Variants in CASK observed in about 807,000 individuals in gnomAD.
The protein encoded by CASK is calcium/calmodulin dependent serine protein kinase.
CASK carries 4 observed loss-of-function variants against 82.9 expected under a neutral mutation model. The observed-to-expected ratio is 0.05, with a 90% CI of 0.02 to 0.11. The LOEUF is 0.11. Among genes scored for constraint, CASK ranks in the 10% least tolerant of loss-of-function variants. The pLI, the probability that CASK is intolerant of heterozygous loss-of-function variation, is 1.00. For missense variants in CASK, 358 were observed against 720.9 expected, an observed-to-expected ratio of 0.50 and a Z score of 5.76; for synonymous variants, 259 against 253.5, an observed-to-expected ratio of 1.02 and a Z score of -0.20.
At chrX:41,593,753 T>C (rs1287030516) in intron 12 of CASK, among the ~76,000 whole-genome samples, 1 of 112,668 alleles carries the variant, frequency 8.9e-6, no homozygotes, top group African/African-American at 3.2e-5. Flanking sequence ...ACAAAGCATT[T>C]GAGAAATATG....
chrX:41,613,059 C>T (rs1417904321), intron 11 of CASK, among the ~76,000 whole-genome samples: 1 of 108,908 alleles, frequency 9.2e-6, no homozygotes. Context: ...AGGTGAGGGG[C>T]GCCTCTGCCC....
At chrX:41,850,956 GA>G (rs1385156061) in intron 2 of CASK, among the ~76,000 whole-genome samples, 1 of 111,627 alleles carries the variant, frequency 9.0e-6, no homozygotes, top group East Asian at 2.8e-4. Context: ...CCCATCGCAA[GA>G]AAAAAAGGTA....
chrX:41,606,191 G>T (rs1321988216), intron 12 of CASK, among the ~76,000 whole-genome samples: 1 of 112,257 alleles, frequency 8.9e-6, no homozygotes, highest in African/African-American at 3.2e-5. Flanking sequence ...TGGGATGTAG[G>T]GTATGAGGGC....
intron 25 of CASK, among the ~76,000 whole-genome samples, chrX:41,525,197 C>T (rs2064694746): frequency 9.0e-6 from 1 of 111,190 alleles, no homozygotes; most frequent in South Asian, 3.8e-4. Context: ...TCCCTCTTGG[C>T]CTCAGGATAA....
intron 1 of CASK, among the ~76,000 whole-genome samples, chrX:41,896,480 C>T (rs2072272735): frequency 9.0e-6 from 1 of 111,710 alleles, no homozygotes; most frequent in South Asian, 3.7e-4. Context: ...CTCTCTTTCT[C>T]TTGGAGGACA....
intron 1 of CASK, among the ~76,000 whole-genome samples, chrX:41,902,051 T>C (rs915932652): frequency 4.5e-5 from 5 of 111,059 alleles, no homozygotes; most frequent in African/African-American, 1.6e-4. Flanking sequence ...CCAAGTCTGC[T>C]GGGGTGGGTT....
intron 1 of CASK, among the ~76,000 whole-genome samples, chrX:41,886,043 T>G (rs1302672136): frequency 8.9e-6 from 1 of 111,777 alleles, no homozygotes; most frequent in Non-Finnish European, 1.9e-5. Flanking sequence ...CTAGGCAAGT[T>G]TAATTAAATC....
At chrX:41,763,016 A>G (rs1360137229) in intron 3 of CASK, among the ~76,000 whole-genome samples, 2 of 111,207 alleles carry the variant, frequency 1.8e-5, no homozygotes, top group Non-Finnish European at 3.8e-5. Context: ...AAGGTTATCT[A>G]TAGGGGGGTC....
intron 11 of CASK, among the ~76,000 whole-genome samples, chrX:41,620,552 G>A (rs988752089): frequency 1.1e-4 from 12 of 111,719 alleles, no homozygotes; most frequent in African/African-American, 3.6e-4. Context: ...AAAAAAATCT[G>A]CTTACTAAGG....
At chrX:41,557,146 AAC>A (rs1202618880) in intron 18 of CASK, 46 bp from the exon 19 acceptor site, 1 of 988,962 alleles carries the variant, frequency 1.0e-6, no homozygotes. Context: ...CCAGCACAGA[AAC>A]ACAGAGATAT....
chrX:41,716,761 T>C (rs919590208), intron 5 of CASK, among the ~76,000 whole-genome samples: 1 of 111,566 alleles, frequency 9.0e-6, no homozygotes, highest in Non-Finnish European at 1.9e-5. Context: ...TCTGGCAAAA[T>C]TGGGGCTAAC....
intron 5 of CASK, chrX:41,683,492 C>G (rs960308249): frequency 8.9e-6 from 1 of 112,304 alleles, no homozygotes; most frequent in African/African-American, 3.2e-5. Context: ...AAAGCCAAAC[C>G]TCTTTCTATA....
intron 21 of CASK, among the ~76,000 whole-genome samples, chrX:41,551,874 C>T (rs1188489942): frequency 6.3e-5 from 5 of 78,786 alleles, no homozygotes; most frequent in Admixed American, 1.5e-4. Flanking sequence ...GGCGAGACTC[C>T]GTCTCAAAAA....
chrX:41,772,307 C>T (rs920775027), intron 3 of CASK, among the ~76,000 whole-genome samples: 5 of 90,897 alleles, frequency 5.5e-5, no homozygotes, highest in Admixed American at 2.6e-4. Context: ...GCCGAGATCA[C>T]GCCACTCCAG....
At chrX:41,828,051 A>G (rs1326226615) in intron 2 of CASK, among the ~76,000 whole-genome samples, 1 of 111,448 alleles carries the variant, frequency 9.0e-6, no homozygotes, top group African/African-American at 3.3e-5. Context: ...CATCACCCTT[A>G]ATCCCTGCAC....
intron 16 of CASK, among the ~76,000 whole-genome samples, chrX:41,569,290 C>T (rs1265728603): frequency 6.3e-5 from 7 of 111,270 alleles, no homozygotes; most frequent in African/African-American, 2.3e-4. Context: ...CTTTATCTCC[C>T]GTGGTCCCCG....
At chrX:41,719,731 C>T (rs1449152205) in intron 5 of CASK, among the ~76,000 whole-genome samples, 1 of 111,633 alleles carries the variant, frequency 9.0e-6, no homozygotes, top group Non-Finnish European at 1.9e-5. Flanking sequence ...GTATCTGTCC[C>T]GATTGGCTAG....
chrX:41,598,231 T>C (rs779625060), intron 12 of CASK, among the ~76,000 whole-genome samples: 1 of 111,890 alleles, frequency 8.9e-6, no homozygotes, highest in African/African-American at 3.2e-5. Flanking sequence ...GAGCAGTGTA[T>C]TTAGCAGTGG....
intron 26 of CASK, among the ~76,000 whole-genome samples, chrX:41,520,972 C>T (rs1377397883): frequency 8.9e-6 from 1 of 111,790 alleles, no homozygotes; most frequent in African/African-American, 3.3e-5. Flanking sequence ...AGCAGGAAGC[C>T]CCCCGCCCTA....
Sources: allele counts gnomAD v4.1 joint callset (sites outside exome capture counted in the v4.1 genomes callset), GRCh38; gene constraint gnomAD v4.1.1; transcripts MANE v1.5; gene names NCBI Gene and HGNC (gene_info 2026-07-23, HGNC 2026-07-21).